The following KEL variants were observed in gnomAD, a reference collection of about 807,000 sequenced individuals.
The protein encoded by KEL is kell blood group glycoprotein.
KEL carries 96 observed loss-of-function variants against 99.5 expected under a neutral mutation model. The observed-to-expected ratio is 0.97, with a 90% CI of 0.82 to 1.14. The LOEUF is 1.14. Ranked by LOEUF, KEL falls within the 50% of genes most tolerant of loss-of-function variation. KEL has a pLI of 0.00. For synonymous variants in KEL, 355 were observed against 354.8 expected (o/e 1.00, Z -0.01); for missense variants, 926 against 924.2 (o/e 1.00, Z -0.03).
intron 10 of KEL, among the ~76,000 whole-genome samples, chr7:142,949,912 G>C (rs1275500134): frequency 6.6e-6 from 1 of 152,186 alleles, no homozygotes; most frequent in Middle Eastern, 3.2e-3. Context: ...TGACTTAACA[G>C]CCATTTTCAT....
At chr7:142,962,010 T>C in intron 1 of KEL, 138 bp from the exon 2 acceptor site, 2 of 1,609,982 alleles carry the variant, frequency 1.2e-6, no homozygotes, top group Non-Finnish European at 1.7e-6. Flanking sequence ...CGGAGCAGTG[T>C]TCCCAGATGG....
At chr7:142,958,708 T>A (rs1180306799) in intron 4 of KEL, among the ~76,000 whole-genome samples, 2 of 152,252 alleles carry the variant, frequency 1.3e-5, no homozygotes, top group African/African-American at 4.8e-5. Flanking sequence ...TTTGCATCTG[T>A]AAAGCATCTC....
intron 11 of KEL, among the ~76,000 whole-genome samples, chr7:142,945,437 T>C (rs1285901345): frequency 2.0e-5 from 3 of 152,228 alleles, no homozygotes; most frequent in South Asian, 4.1e-4. Context: ...AGGAACTAAA[T>C]GACGTAGTTC....
intron 1 of KEL, 165 bp from the exon 2 acceptor site, chr7:142,962,037 G>A (rs965770804): frequency 1.9e-6 from 3 of 1,609,788 alleles, no homozygotes; most frequent in Admixed American, 1.7e-5. Context: ...GAACGAACCT[G>A]TCCCCTGAAT....
At chr7:142,950,846 A>G (rs1255329068) in intron 10 of KEL, among the ~76,000 whole-genome samples, 1 of 152,202 alleles carries the variant, frequency 6.6e-6, no homozygotes, top group Admixed American at 6.5e-5. Context: ...ACATGACTTT[A>G]TGAGCCAAAA....
At chr7:142,948,025 C>T (rs1246013516) in intron 10 of KEL, among the ~76,000 whole-genome samples, 1 of 152,200 alleles carries the variant, frequency 6.6e-6, no homozygotes, top group African/African-American at 2.4e-5. Context: ...GGAGCAGCAA[C>T]CAGCATCAGC....
Position 142,944,702 on chromosome 7 carries a change from T to C in KEL, c.1354A>G (p.Thr452Ala). The C allele has an allele frequency of 1.2e-6, 2 of 1,614,002 alleles. No homozygotes were observed. Among genetic ancestry groups the C allele is most frequent in the Non-Finnish European group, 1.7e-6 (2 of 1,179,974 alleles). The change falls in exon 12 of 19, where the codon ACT becomes GCT. Residue 452 changes from threonine (T) to alanine (A), a missense_variant. Thr to Ala is a moderately conservative substitution (Grantham distance 58). Coordinates refer to ENST00000355265, the MANE Select transcript of KEL (RefSeq NM_000420.3). ...LFTAIRDALITRLRNLPWMNE... is the reference protein window; with the variant it reads ...LFTAIRDALIARLRNLPWMNE... ...ATCCAGGGAAGGTTTCTGAGGCGAG[T>C]GATGAGGGCATCCCGGATCGCAGTG...
rs1252139553 is a variant in KEL at position 142,953,696 on chromosome 7, C to T, written c.1073+112G>A. 7.0e-6 allele frequency: 9 copies of T among 1,284,262 alleles called. No homozygotes were observed. In the Admixed American group the frequency reaches 1.3e-4, roughly 19 times the overall value. The allele number at this position is 1,284,262 out of a possible 1,614,324, so 79.6% of individuals were successfully genotyped here. A position where few individuals can be genotyped will look rare whatever the true frequency, so the allele number is the denominator to read the frequency against. On this transcript the variant is annotated intron_variant, in intron 9 of 18. Coordinates refer to ENST00000355265, the MANE Select transcript of KEL (RefSeq NM_000420.3). ...CAGGTGGCAGGTTCCTCTTATCCTC[C>T]TGGGAGGCCCTTACCAGCCTGCCTT...
intron 6 of KEL, 100 bp from the exon 7 acceptor site, chr7:142,954,627 A>G (rs1023045887): frequency 3.0e-6 from 3 of 995,808 alleles, no homozygotes; most frequent in African/African-American, 3.2e-5. Context: ...GCCTTGGGAG[A>G]TGGACACAAA....
intron 6 of KEL, among the ~76,000 whole-genome samples, chr7:142,956,269 T>C (rs1327214012): frequency 6.6e-6 from 1 of 152,180 alleles, no homozygotes; most frequent in East Asian, 1.9e-4. Flanking sequence ...TAAATCCTTG[T>C]GCCTGGCTCT....
chr7:142,943,896 CAGG>C lies in KEL; in HGVS notation c.1492-16_1492-14del. 6.2e-7 allele frequency: 1 copy of C among 1,609,330 alleles called. No homozygotes were observed. Among genetic ancestry groups the C allele is most frequent in the Non-Finnish European group, 8.5e-7 (1 of 1,175,886 alleles). On this transcript the variant is annotated splice_polypyrimidine_tract_variant and intron_variant, in intron 13 of 18. Coordinates refer to ENST00000355265, the MANE Select transcript of KEL (RefSeq NM_000420.3). ...ATCCAAGCTGTATCTGGGGAAGAGGCAGGAGGTGACTTGGGCACACAGAGACTT... is the reference window on the plus strand; with the variant it reads ...ATCCAAGCTGTATCTGGGGAAGAGGCAGGTGACTTGGGCACACAGAGACTT...
chr7:142,961,839 C>A lies in KEL; in HGVS notation c.37G>T (p.Glu13Ter). ...CCCATTCCACCTGCCTGGCTGCGTT[C>A]CCTCGGCTCTTCCTCACTTTGGTCC... ...GGDQSEEEPR[E>*]RSQAGGMGTL... The change falls in exon 2 of 19, where the codon GAA (glutamate) becomes TAA (stop). Residue 13 changes from glutamate to a stop codon, truncating the protein, a stop_gained. Transcript: ENST00000355265. LOFTEE classifies it high-confidence loss of function. 6.2e-7 allele frequency: 1 copy of A among 1,614,120 alleles called. No homozygotes were observed. Among genetic ancestry groups the A allele is most frequent in the South Asian group, 1.1e-5 (1 of 91,072 alleles).
intron 9 of KEL, among the ~76,000 whole-genome samples, chr7:142,952,843 C>T (rs923653267): frequency 3.9e-5 from 6 of 152,202 alleles, no homozygotes; most frequent in African/African-American, 1.4e-4. Context: ...GTAAAAGAAA[C>T]TAGATGAAGA....
At chr7:142,949,335 G>A (rs146072331) in intron 10 of KEL, among the ~76,000 whole-genome samples, 6 of 152,290 alleles carry the variant, frequency 3.9e-5, no homozygotes, top group African/African-American at 1.4e-4. Flanking sequence ...CAATTTGAGT[G>A]GAGTCTCATC....
chr7:142,943,219 T>A, intron 16 of KEL, 57 bp downstream of exon 16: 1 of 1,595,988 alleles, frequency 6.3e-7, no homozygotes, highest in Non-Finnish European at 8.6e-7. Flanking sequence ...AGGCCTCCCT[T>A]GTGGTCTTCC....
In KEL at chr7:142,957,883, A is replaced by G. The variant is rs1198892942; in HGVS notation, c.616T>C (p.Phe206Leu). 6.2e-7 allele frequency: 1 copy of G among 1,614,136 alleles called. No individual in the cohort carries two copies. The highest frequency in any genetic ancestry group is 8.5e-7 in the Non-Finnish European group (1 of 1,180,016). Residue 206 changes from phenylalanine to leucine, a missense_variant, in exon 6 of 19, where the codon TTC (phenylalanine) becomes CTC (leucine). Coordinates refer to ENST00000355265, the MANE Select transcript of KEL (RefSeq NM_000420.3). ...LLMSQYGHFPFFRAYLGPHPA... is the reference protein window; with the variant it reads ...LLMSQYGHFPLFRAYLGPHPA... The stretch of plus-strand genomic sequence containing the variant: ...TGAGGTCCTAGGTAGGCTCTGAAGA[A>G]AGGGAAATGGCCATACTGACTCATC...
intron 6 of KEL, among the ~76,000 whole-genome samples, chr7:142,957,529 A>C (rs989531557): frequency 3.3e-5 from 5 of 152,178 alleles, no homozygotes; most frequent in African/African-American, 1.2e-4. Flanking sequence ...AGAGTAAATA[A>C]AATGAGGGCA....
At position 142,952,480 on chromosome 7, in the gene KEL, T is replaced by TG. The variant is rs781615203; in HGVS notation, c.1203+28dup. On this transcript the variant is annotated intron_variant, in intron 10 of 18. Coordinates refer to ENST00000355265, the MANE Select transcript of KEL (RefSeq NM_000420.3). ...AGAGTAGATACTCCTTTCGAGTATC[T>TG]GGGCAAATACACCCGCTCCTCTCCT... The TG allele has an allele frequency of 3.7e-6, 6 of 1,612,918 alleles. No homozygotes were observed. In the African/African-American group the frequency reaches 8.0e-5, roughly 22 times the overall value.
chr7:142,941,562 C>T, intron 18 of KEL, 149 bp from the exon 19 acceptor site: 2 of 689,694 alleles, frequency 2.9e-6, no homozygotes, highest in Non-Finnish European at 2.4e-6. Context: ...ATGTATAGTT[C>T]ATTTAATCTG....
Sources: gnomAD v4.1 joint callset for allele counts (sites outside exome capture counted in the v4.1 genomes callset) on GRCh38, gnomAD v4.1.1 for gene constraint, MANE v1.5 for transcripts, NCBI Gene and HGNC (gene_info 2026-07-23, HGNC 2026-07-21) for gene names.